The following MYO1B variants were observed in gnomAD, a reference collection of about 807,000 sequenced individuals.
The protein encoded by MYO1B is unconventional myosin-Ib.
Under a neutral mutation model 159.7 loss-of-function variants are expected in MYO1B, and 72 were observed. The observed-to-expected ratio is 0.45, with a 90% confidence interval of 0.37 to 0.55. The LOEUF (loss-of-function observed/expected upper bound fraction) is 0.55, where lower values mean the gene tolerates loss of function less well. Ranked by LOEUF, MYO1B falls within the 20% of genes least tolerant of loss-of-function variation. The probability of loss-of-function intolerance (pLI) is 0.00; values close to 1 mark genes in which losing one functional copy is unlikely to be tolerated. For synonymous variants in MYO1B, 468 were observed against 473.8 expected, an observed-to-expected ratio of 0.99 and a Z score of 0.16; for missense variants, 1,062 against 1,364.8, an observed-to-expected ratio of 0.78 and a Z score of 3.50.
chr2:191,381,397 G>A (rs57731695), intron 13 of MYO1B, 65 bp from the exon 14 acceptor site: 13 of 1,100,716 alleles, frequency 1.2e-5, no homozygotes, highest in Non-Finnish European at 1.5e-5. Flanking sequence ...AGATGTCTGA[G>A]TGTCATTGTT....
intron 3 of MYO1B, among the ~76,000 whole-genome samples, chr2:191,320,268 G>A (rs923174848): frequency 6.6e-6 from 1 of 151,906 alleles, no homozygotes; most frequent in Non-Finnish European, 1.5e-5. Flanking sequence ...CTGAGGGTAG[G>A]GACAGTATCC....
At chr2:191,283,878 C>G (rs1421172694) in intron 2 of MYO1B, among the ~76,000 whole-genome samples, 2 of 152,156 alleles carry the variant, frequency 1.3e-5, no homozygotes, top group Non-Finnish European at 1.5e-5. Context: ...ATGACCTGGA[C>G]AAATAATCAA....
Position 191,363,718 on chromosome 2 carries a change from C to G in MYO1B, c.766-10C>G. ...GAAAAAAATAGTTGCTTTTTTTTTT[C>G]TCTCCCCAGAATGCCATGCAGATTG... On this transcript the variant is annotated splice_polypyrimidine_tract_variant and intron_variant, in intron 9 of 30. Coordinates refer to ENST00000392318, the MANE Select transcript of MYO1B (RefSeq NM_001130158.3). 6.5e-7 allele frequency: 1 copy of G among 1,549,592 alleles called. No individual in the cohort carries two copies. The highest frequency in any genetic ancestry group is 8.7e-7 in the Non-Finnish European group (1 of 1,155,258).
chr2:191,251,757 G>C (rs1056771210), intron 1 of MYO1B, among the ~76,000 whole-genome samples: 3 of 152,084 alleles, frequency 2.0e-5, no homozygotes, highest in Non-Finnish European at 4.4e-5. Context: ...ATTAGTTATC[G>C]ACATTATAAT....
intron 3 of MYO1B, among the ~76,000 whole-genome samples, chr2:191,313,585 C>T (rs554357121): frequency 3.3e-4 from 50 of 151,788 alleles, no homozygotes; most frequent in Non-Finnish European, 6.2e-4. Flanking sequence ...GGGCTTTCAC[C>T]GTGTTAGCCA....
chr2:191,410,936 C>CT (rs1291963964), intron 26 of MYO1B, 130 bp from the exon 27 acceptor site: 2 of 570,886 alleles, frequency 3.5e-6, no homozygotes, highest in African/African-American at 3.9e-5. Context: ...TGTTTTTGGC[C>CT]TTTTTTAGTG....
intron 2 of MYO1B, among the ~76,000 whole-genome samples, chr2:191,284,477 T>C (rs756206329): frequency 2.0e-5 from 3 of 152,150 alleles, no homozygotes; most frequent in Admixed American, 1.3e-4. Context: ...CATAAAATGG[T>C]CATCGTGGTA....
intron 1 of MYO1B, among the ~76,000 whole-genome samples, chr2:191,250,427 G>A (rs528015749): frequency 6.6e-6 from 1 of 152,288 alleles, no homozygotes; most frequent in Admixed American, 6.5e-5. Flanking sequence ...GTGCATGGCA[G>A]GTCCTTGGTA....
chr2:191,328,109 A>G (rs1224164024), intron 3 of MYO1B, among the ~76,000 whole-genome samples: 4 of 152,228 alleles, frequency 2.6e-5, no homozygotes, highest in South Asian at 2.1e-4. Flanking sequence ...TTCTCATGTC[A>G]TCTCTTAAGA....
intron 6 of MYO1B, among the ~76,000 whole-genome samples, chr2:191,347,629 G>C (rs1396952229): frequency 6.6e-6 from 1 of 152,190 alleles, no homozygotes; most frequent in Non-Finnish European, 1.5e-5. Flanking sequence ...GGCTTATTAA[G>C]TAACTTCAGA....
chr2:191,296,724 T>C (rs1689006433), intron 3 of MYO1B, among the ~76,000 whole-genome samples: 1 of 152,226 alleles, frequency 6.6e-6, no homozygotes, highest in African/African-American at 2.4e-5. Flanking sequence ...AAGTCACTTG[T>C]TTGATTTTTC....
intron 1 of MYO1B, among the ~76,000 whole-genome samples, chr2:191,249,314 T>C (rs1323272659): frequency 3.9e-5 from 6 of 152,218 alleles, no homozygotes; most frequent in African/African-American, 1.4e-4. Flanking sequence ...CATAGATTTT[T>C]CCCAGCACAT....
intron 1 of MYO1B, among the ~76,000 whole-genome samples, chr2:191,253,966 A>G (rs1165507918): frequency 6.6e-6 from 1 of 152,148 alleles, no homozygotes; most frequent in Non-Finnish European, 1.5e-5. Flanking sequence ...CGCTTGTTAG[A>G]TTTGTGCCAA....
chr2:191,360,547 A>T, intron 7 of MYO1B, 84 bp from the exon 8 acceptor site: 1 of 839,152 alleles, frequency 1.2e-6, no homozygotes, highest in Non-Finnish European at 1.9e-6. Context: ...GAATAGAAAG[A>T]AAAAAGAAAG....
intron 6 of MYO1B, among the ~76,000 whole-genome samples, chr2:191,346,752 G>A (rs1692593497): frequency 6.6e-6 from 1 of 152,212 alleles, no homozygotes; most frequent in Non-Finnish European, 1.5e-5. Context: ...CATGTGGGGT[G>A]AGCGTGGGGC....
intron 5 of MYO1B, 93 bp downstream of exon 5, chr2:191,341,658 C>A: frequency 1.0e-6 from 1 of 959,332 alleles, no homozygotes; most frequent in Non-Finnish European, 1.6e-6. Flanking sequence ...GGGAGGTATT[C>A]TGGGAGGGAA....
intron 13 of MYO1B, among the ~76,000 whole-genome samples, chr2:191,373,843 T>A (rs1694532126): frequency 6.6e-6 from 1 of 152,344 alleles, no homozygotes; most frequent in Non-Finnish European, 1.5e-5. Context: ...ATTTTTCTTT[T>A]TTTCCCCCCA....
intron 17 of MYO1B, among the ~76,000 whole-genome samples, chr2:191,389,572 C>G (rs947402535): frequency 2.6e-5 from 4 of 152,160 alleles, no homozygotes; most frequent in Admixed American, 1.3e-4. Context: ...TCTAAGAACA[C>G]TGACTAGAGG....
intron 3 of MYO1B, among the ~76,000 whole-genome samples, chr2:191,326,957 G>A (rs963910583): frequency 2.6e-5 from 4 of 152,118 alleles, no homozygotes; most frequent in African/African-American, 2.4e-5. Context: ...CAGTGAGTAC[G>A]TATTATATAT....
Sources: allele counts gnomAD v4.1 joint callset (sites outside exome capture counted in the v4.1 genomes callset), GRCh38; gene constraint gnomAD v4.1.1; transcripts MANE v1.5; gene names NCBI Gene and HGNC (gene_info 2026-07-23, HGNC 2026-07-21).